Variants in HDAC4 observed in about 807,000 individuals in gnomAD.
HDAC4 encodes histone deacetylase 4, also known as histone deacetylase A.
In HDAC4, 16 loss-of-function variants were observed where a neutral mutation model predicts 135.1. The ratio of observed to expected loss-of-function variants is 0.12; its 90% CI spans 0.08 to 0.18. The LOEUF (loss-of-function observed/expected upper bound fraction) is 0.18. HDAC4 is among the 10% of genes least tolerant of loss of function. The pLI is 1.00. For synonymous variants in HDAC4, 685 were observed against 653.4 expected, an observed-to-expected ratio of 1.05 and a Z score of -0.74; for missense variants, 1,143 against 1,511.8, an observed-to-expected ratio of 0.76 and a Z score of 4.05.
chr2:239,234,370 G>A (rs941541023), intron 3 of HDAC4, among the ~76,000 whole-genome samples: 23 of 152,196 alleles, frequency 1.5e-4, no homozygotes, highest in Admixed American at 1.3e-3. Flanking sequence ...TGACAAGGGA[G>A]GTAAATGGCC....
At chr2:239,103,041 G>C in intron 15 of HDAC4, 145 bp from the exon 16 acceptor site, 1 of 925,890 alleles carries the variant, frequency 1.1e-6, no homozygotes, top group East Asian at 2.6e-5. Context: ...TACTGCAAAA[G>C]AAGAAGCAAC....
chr2:239,160,952 C>T (rs2042753578), intron 6 of HDAC4, among the ~76,000 whole-genome samples: 1 of 152,230 alleles, frequency 6.6e-6, no homozygotes, highest in Non-Finnish European at 1.5e-5. Context: ...CGCATCTGCT[C>T]CAGCACCCGG....
intron 1 of HDAC4, among the ~76,000 whole-genome samples, chr2:239,390,952 C>T (rs180809051): frequency 1.1e-3 from 173 of 152,256 alleles, no homozygotes; most frequent in African/African-American, 3.3e-3. Context: ...CCTGGATTTA[C>T]GCACAGCCAC....
chr2:239,049,482 T>C lies in HDAC4; in HGVS notation c.*3615A>G, dbSNP rs889707605. 2 of 151,668 alleles carry C rather than the reference T, an allele frequency of 1.3e-5. No homozygotes were observed. Among genetic ancestry groups the C allele is most frequent in the African/African-American group, 4.8e-5 (2 of 41,354 alleles). The allele number at this position is 151,668 out of a possible 1,614,324, so 9.4% of individuals were successfully genotyped here. A position where few individuals can be genotyped will look rare whatever the true frequency, so the allele number is the denominator to read the frequency against. ...ATATATTCATATATATTTATATCTATATATTTATATATGTATCAATGCCCA... is the reference window on the plus strand; with the variant it reads ...ATATATTCATATATATTTATATCTACATATTTATATATGTATCAATGCCCA... On this transcript the variant is annotated 3_prime_UTR_variant, in exon 27 of 27. Coordinates refer to ENST00000543185, the MANE Select transcript of HDAC4 (RefSeq NM_001378414.1).
At chr2:239,094,355 C>T in intron 17 of HDAC4, 1 of 985,452 alleles carries the variant, frequency 1.0e-6, no homozygotes, top group Non-Finnish European at 1.2e-6. Flanking sequence ...TGGGCAGATG[C>T]CCAGACTGGA....
chr2:239,255,964 A>G (rs1051834391), intron 2 of HDAC4, among the ~76,000 whole-genome samples: 3 of 152,274 alleles, frequency 2.0e-5, no homozygotes, highest in African/African-American at 7.2e-5. Flanking sequence ...AAATTAGTTA[A>G]GAGTAACCAG....
chr2:239,359,452 T>C (rs886956749), intron 1 of HDAC4, among the ~76,000 whole-genome samples: 5 of 152,234 alleles, frequency 3.3e-5, no homozygotes, highest in Admixed American at 6.5e-5. Flanking sequence ...CAGAATCTTG[T>C]GTCCTCTGCG....
intron 15 of HDAC4, among the ~76,000 whole-genome samples, chr2:239,103,757 C>A (rs921066993): frequency 1.3e-5 from 2 of 152,344 alleles, no homozygotes; most frequent in East Asian, 3.9e-4. Flanking sequence ...CTGTGGTGGG[C>A]GAAGCTCGAG....
intron 6 of HDAC4, 58 bp downstream of exon 6, chr2:239,163,745 A>G: frequency 6.3e-7 from 1 of 1,579,396 alleles, no homozygotes; most frequent in Non-Finnish European, 8.7e-7. Flanking sequence ...ACCGGCGATC[A>G]GACAGTCCTC....
intron 2 of HDAC4, among the ~76,000 whole-genome samples, chr2:239,248,428 C>A (rs1346745880): frequency 6.6e-6 from 1 of 152,132 alleles, no homozygotes; most frequent in Non-Finnish European, 1.5e-5. Context: ...TGATCCGCAG[C>A]CTCAACCTCC....
intron 7 of HDAC4, 78 bp downstream of exon 7, chr2:239,156,574 G>A: frequency 6.3e-7 from 1 of 1,575,324 alleles, no homozygotes; most frequent in Non-Finnish European, 8.7e-7. Context: ...GAAGACAGCG[G>A]TGGGCCCTGC....
At chr2:239,318,048 T>C (rs2053177709) in intron 2 of HDAC4, among the ~76,000 whole-genome samples, 1 of 152,114 alleles carries the variant, frequency 6.6e-6, no homozygotes, top group Middle Eastern at 3.4e-3. Context: ...AGATGACCAG[T>C]AGCCACCACC....
At position 239,127,812 on chromosome 2, in the gene HDAC4, G is replaced by GC. The variant is rs2040299728; in HGVS notation, c.1295-1119dup. Among the ~76,000 whole-genome samples, 14 of 152,346 alleles carry GC rather than the reference G, an allele frequency of 9.2e-5. No homozygotes were observed. In the South Asian group the frequency reaches 2.7e-3, roughly 29 times the overall value. ...CAGGGATACCAAGGTGGCCCTGCCG[G>GC]CAAGTGGCAGCTCCTGTCCTGTCCC... On this transcript the variant is annotated intron_variant, in intron 11 of 26. Transcript: ENST00000543185.
intron 17 of HDAC4, among the ~76,000 whole-genome samples, chr2:239,090,756 G>T (rs1010588244): frequency 1.3e-5 from 2 of 152,116 alleles, no homozygotes; most frequent in Admixed American, 1.3e-4. Context: ...TGCTGAACTG[G>T]TAAGTACAAT....
chr2:239,401,327 C>T (rs1034732763), upstream of HDAC4: 1 of 152,808 alleles, frequency 6.5e-6, no homozygotes, highest in South Asian at 1.9e-4. Flanking sequence ...GAGGCTCCAC[C>T]CCTGCCCGCC....
chr2:239,380,188 G>A (rs1340242210), intron 1 of HDAC4, among the ~76,000 whole-genome samples: 3 of 152,246 alleles, frequency 2.0e-5, no homozygotes, highest in African/African-American at 4.8e-5. Flanking sequence ...CTGGACCAGA[G>A]GAATAAGAAG....
rs1330269115 is a variant in HDAC4, at chr2:239,116,331, A to G, written c.1534-1021T>C. ...GCAGGTCCAATGCCGAACGCAGGGC[A>G]GCTTCTTCCAAGCCTCTCCCTTCTC... On this transcript the variant is annotated intron_variant, in intron 12 of 26. Transcript: ENST00000543185. Among the ~76,000 whole-genome samples the G allele has an allele frequency of 5.9e-5, 9 of 152,194 alleles. 1 individual carries two copies. The highest frequency in any genetic ancestry group is 2.9e-5 in the Non-Finnish European group (2 of 68,046).
At chr2:239,213,798 A>G (rs2046470413) in intron 3 of HDAC4, among the ~76,000 whole-genome samples, 1 of 152,238 alleles carries the variant, frequency 6.6e-6, no homozygotes, top group Non-Finnish European at 1.5e-5. Flanking sequence ...AGCTCCCTGG[A>G]GCGCTTGCAG....
chr2:239,366,626 A>C (rs1694234945), intron 1 of HDAC4, among the ~76,000 whole-genome samples: 1 of 152,214 alleles, frequency 6.6e-6, no homozygotes, highest in African/African-American at 2.4e-5. Flanking sequence ...TTTGCTGTGA[A>C]ATAAAAGAAT....
Sources: allele counts gnomAD v4.1 joint callset (sites outside exome capture counted in the v4.1 genomes callset), GRCh38; gene constraint gnomAD v4.1.1; transcripts MANE v1.5; gene names NCBI Gene and HGNC (gene_info 2026-07-23, HGNC 2026-07-21).